Variants in ABCD4 observed in about 807,000 individuals in gnomAD.
ABCD4 encodes the protein lysosomal cobalamin transporter ABCD4.
Under a neutral mutation model 86.3 loss-of-function variants are expected in ABCD4, and 53 were observed. The ratio of observed to expected loss-of-function variants is 0.61; its 90% confidence interval spans 0.49 to 0.77. The LOEUF (loss-of-function observed/expected upper bound fraction) is 0.77, where lower values mean the gene tolerates loss of function less well. Among genes scored for constraint, ABCD4 ranks in the 30% least tolerant of loss-of-function variants. ABCD4 has a pLI of 0.00. For missense variants in ABCD4, 757 were observed against 764.5 expected (o/e 0.99, Z 0.12); for synonymous variants, 328 against 313.6 (o/e 1.05, Z -0.49).
chr14:74,289,661 C>A, intron 13 of ABCD4, 142 bp from the exon 14 acceptor site: 1 of 1,468,874 alleles, frequency 6.8e-7, no homozygotes. Context: ...ATGGGAGAGG[C>A]TCTGGCCGGC....
At chr14:74,288,327 C>A (rs2080408870) in intron 15 of ABCD4, 68 bp from the exon 16 acceptor site, 26 of 1,466,338 alleles carry the variant, frequency 1.8e-5, no homozygotes, top group South Asian at 1.2e-4. Flanking sequence ...TCATGGGGAA[C>A]CTCCCTCACT....
intron 12 of ABCD4, 21 bp downstream of exon 12, chr14:74,290,270 C>T: frequency 6.2e-7 from 1 of 1,614,088 alleles, no homozygotes; most frequent in Non-Finnish European, 8.5e-7. Context: ...GGGTCAGAGG[C>T]AGGGAGGGCC....
At position 74,293,186 on chromosome 14, in the gene ABCD4, C is replaced by A. The variant is rs751006542; in HGVS notation, c.782G>T (p.Arg261Met). 2 of 1,614,200 alleles carry A rather than the reference C, an allele frequency of 1.2e-6. No homozygotes were observed. The highest frequency in any genetic ancestry group is 2.2e-5 in the South Asian group (2 of 91,086). ...RRLQRLLQTQ[R>M]ELMSKELWLY... ...CCAGAGCTCCTTGGACATCAGCTCC[C>A]TCTGGGTCTGAAGGAGTCTCTGCAG... The change falls in exon 8 of 19, where the codon AGG (arginine) becomes ATG (methionine). Residue 261 changes from arginine (R) to methionine (M), a missense_variant. By Grantham distance (91) the Arg-to-Met change is moderately conservative. Transcript: ENST00000356924.
At chr14:74,290,005 G>A (rs772652267) in intron 13 of ABCD4, 22 bp downstream of exon 13, 3 of 1,614,018 alleles carry the variant, frequency 1.9e-6, no homozygotes, top group African/African-American at 1.3e-5. Flanking sequence ...AGGGAGGAGT[G>A]AGCCCCCTGA....
intron 7 of ABCD4, 176 bp downstream of exon 7, chr14:74,294,972 C>T: frequency 1.4e-6 from 1 of 722,106 alleles, no homozygotes; most frequent in Non-Finnish European, 2.3e-6. Context: ...AAGCAAACCC[C>T]TGGACCTAAG....
Position 74,295,885 on chromosome 14 carries a change from C to T in ABCD4, c.637G>A (p.Val213Met). Residue 213 changes from valine (V) to methionine (M), a missense_variant, in exon 6 of 19, where the codon GTG (valine) becomes ATG (methionine). By Grantham distance (21) the Val-to-Met change is conservative. Transcript: ENST00000356924. The stretch of plus-strand genomic sequence containing the variant: ...TCTCCCTCCAGCTTCTCCTGATGCA[C>T]CAGCTTCATCACAATGGGGCCCATC... ...TLMGPIVMKL[V>M]HQEKLEGDFR... 1 of 1,613,002 alleles carries T rather than the reference C, an allele frequency of 6.2e-7. No individual in the cohort carries two copies.
chr14:74,292,415 C>A, intron 10 of ABCD4, 39 bp from the exon 11 acceptor site: 1 of 1,609,756 alleles, frequency 6.2e-7, no homozygotes, highest in South Asian at 1.1e-5. Flanking sequence ...GGTCTGGGAG[C>A]CAGGTGAAGG....
rs1229164167 is a variant in ABCD4, at chr14:74,296,356, G to C, written c.519C>G (p.Tyr173Ter). The change falls in exon 5 of 19, where the codon TAC becomes TAG. Residue 173 changes from tyrosine to a stop codon, truncating the protein, a stop_gained. Coordinates refer to ENST00000356924, the MANE Select transcript of ABCD4 (RefSeq NM_005050.4). LOFTEE classifies it high-confidence loss of function. ...KLIISPFTLV[Y>*]YTYQCFQSTG... ...ACCTTTGGAAGCACTGGTAAGTGTA[G>C]TAGACGAGGGTGAACGGGGAGATGA... The C allele has an allele frequency of 1.9e-6, 3 of 1,614,218 alleles. No homozygotes were observed. The highest frequency in any genetic ancestry group is 1.7e-6 in the Non-Finnish European group (2 of 1,180,026).
intron 13 of ABCD4, chr14:74,289,746 G>A: frequency 2.1e-6 from 3 of 1,434,170 alleles, no homozygotes; most frequent in Non-Finnish European, 2.7e-6. Flanking sequence ...CCTGAGGGCA[G>A]GGGCCCCAGA....
intron 17 of ABCD4, 79 bp from the exon 18 acceptor site, chr14:74,286,895 C>G: frequency 7.3e-7 from 1 of 1,371,948 alleles, no homozygotes; most frequent in Non-Finnish European, 1.0e-6. Flanking sequence ...CCATACTCAA[C>G]CCCAGCTGGG....
intron 15 of ABCD4, 104 bp from the exon 16 acceptor site, chr14:74,288,363 G>A: frequency 2.6e-6 from 3 of 1,158,088 alleles, no homozygotes; most frequent in Non-Finnish European, 3.7e-6. Flanking sequence ...ACACCTCTAA[G>A]ACAAATATAT....
At chr14:74,293,045 C>T in intron 8 of ABCD4, 109 bp downstream of exon 8, 1 of 1,450,956 alleles carries the variant, frequency 6.9e-7, no homozygotes, top group Non-Finnish European at 9.5e-7. Flanking sequence ...CCGGTTAATT[C>T]CTTCATCATG....
In ABCD4 at chr14:74,292,759, G is replaced by A. The variant is rs1594921055; in HGVS notation, c.925C>T (p.Leu309=). ...GDLSPAELST[L]VSKNAFVCIY... ...AGAGGGAGTCTCACCTTGCTGACCA[G>A]GGTGCTAAGCTCTGCGGGACTCAGG... is the stretch of plus-strand genomic sequence containing the variant. Residue 309 remains leucine, a synonymous_variant, in exon 9 of 19, where the codon CTG becomes TTG. Transcript: ENST00000356924. 2 of 1,613,904 alleles carry A rather than the reference G, an allele frequency of 1.2e-6. No individual in the cohort carries two copies. Among genetic ancestry groups the A allele is most frequent in the Non-Finnish European group, 8.5e-7 (1 of 1,179,958 alleles).
At chr14:74,296,155 T>C (rs1399470830) in intron 5 of ABCD4, among the ~76,000 whole-genome samples, 176 bp from the exon 6 acceptor site, 5 of 152,168 alleles carry the variant, frequency 3.3e-5, no homozygotes, top group Admixed American at 2.0e-4. Flanking sequence ...CCAGGATATC[T>C]GTGACACTGC....
rs1185301979 is a variant in ABCD4 at position 74,285,528 on chromosome 14, G to C, written c.*933C>G. 1 of 152,084 alleles carries C rather than the reference G, an allele frequency of 6.6e-6. No individual in the cohort carries two copies. The highest frequency in any genetic ancestry group is 1.5e-5 in the Non-Finnish European group (1 of 68,034). The allele number at this position is 152,084 out of a possible 1,614,324, so 9.4% of individuals were successfully genotyped here. On this transcript the variant is annotated 3_prime_UTR_variant, in exon 19 of 19. Coordinates refer to ENST00000356924, the MANE Select transcript of ABCD4 (RefSeq NM_005050.4). ...AAAGGTTTGTTTTTAAAAATATTAA[G>C]TAACTCAAGTACTAGAAGTACAGAA...
At chr14:74,296,046 C>T in intron 5 of ABCD4, 67 bp from the exon 6 acceptor site, 1 of 1,533,788 alleles carries the variant, frequency 6.5e-7, no homozygotes, top group Non-Finnish European at 8.7e-7. Flanking sequence ...CATGCCTCAG[C>T]CCTGACTCCT....
chr14:74,297,726 G>C (rs1184252691), intron 4 of ABCD4: 50 of 1,298,110 alleles, frequency 3.9e-5, no homozygotes, highest in Non-Finnish European at 4.6e-5. Flanking sequence ...CACCTGGCAG[G>C]CTTCTTCTTT....
intron 10 of ABCD4, 29 bp from the exon 11 acceptor site, chr14:74,292,405 G>T (rs757082558): frequency 3.0e-5 from 49 of 1,611,998 alleles, no homozygotes; most frequent in Admixed American, 6.7e-5. Flanking sequence ...TCTGAGGCAG[G>T]GTCTGGGAGC....
intron 11 of ABCD4, among the ~76,000 whole-genome samples, 162 bp downstream of exon 11, chr14:74,292,125 A>G (rs1028906710): frequency 6.6e-6 from 1 of 152,196 alleles, no homozygotes; most frequent in African/African-American, 2.4e-5. Flanking sequence ...ATGCCGGAAC[A>G]GCAACATCGA....
Sources: gnomAD v4.1 joint callset for allele counts (sites outside exome capture counted in the v4.1 genomes callset) on GRCh38, gnomAD v4.1.1 for gene constraint, MANE v1.5 for transcripts, NCBI Gene and HGNC (gene_info 2026-07-23, HGNC 2026-07-21) for gene names.